The following PODXL2 variants were observed in gnomAD, a reference collection of about 807,000 sequenced individuals.
PODXL2 encodes podocalyxin like 2, also known as podocalyxin-like protein 2.
PODXL2 carries 17 observed loss-of-function variants against 53.4 expected under a neutral mutation model. The observed-to-expected ratio is 0.32, with a 90% CI of 0.22 to 0.48. PODXL2 has a LOEUF of 0.48. PODXL2 is among the 20% of genes least tolerant of loss of function. The pLI is 0.99. For missense variants in PODXL2, 673 were observed against 760.0 expected (o/e 0.89, Z 1.35); for synonymous variants, 311 against 306.7 (o/e 1.01, Z -0.15).
At chr3:127,640,267 G>A (rs1357134406) in intron 2 of PODXL2, among the ~76,000 whole-genome samples, 2 of 152,234 alleles carry the variant, frequency 1.3e-5, no homozygotes, top group Non-Finnish European at 2.9e-5. Context: ...GATTGTGTGT[G>A]CACATGGGGC....
intron 1 of PODXL2, among the ~76,000 whole-genome samples, chr3:127,635,883 G>A (rs1407403311): frequency 6.6e-6 from 1 of 152,226 alleles, no homozygotes; most frequent in Non-Finnish European, 1.5e-5. Context: ...TTTGTCATCA[G>A]CTGTTTATCA....
In PODXL2 at chr3:127,672,560, C is replaced by CA; in HGVS notation, c.*81dup. The CA allele has an allele frequency of 1.1e-6, 1 of 946,512 alleles. No individual in the cohort carries two copies. Among genetic ancestry groups the CA allele is most frequent in the South Asian group, 2.0e-5 (1 of 50,068 alleles). 58.6% of individuals were successfully genotyped at this position (946,512 alleles called of 1,614,324 possible). ...GAAACGGACGGCCCGGAGCCCGCACCAGCCCCGCGCCTACCCGGGCCGCCC... is the reference window on the plus strand; with the variant it reads ...GAAACGGACGGCCCGGAGCCCGCACCAAGCCCCGCGCCTACCCGGGCCGCCC... On this transcript the variant is annotated 3_prime_UTR_variant, in exon 8 of 8. Transcript: ENST00000342480.
At chr3:127,670,804 G>A (rs1035183818) in intron 6 of PODXL2, among the ~76,000 whole-genome samples, 4 of 152,188 alleles carry the variant, frequency 2.6e-5, no homozygotes, top group African/African-American at 4.8e-5. Flanking sequence ...CCCTGGCGCC[G>A]ATCTCCTTGG....
rs781715412 is a variant in PODXL2, at chr3:127,629,957, C to CA, written c.70+669dup. Among the ~76,000 whole-genome samples, 1 of 152,000 alleles carries CA rather than the reference C, an allele frequency of 6.6e-6. No individual in the cohort carries two copies. Among genetic ancestry groups the CA allele is most frequent in the African/African-American group, 2.4e-5 (1 of 41,364 alleles). On this transcript the variant is annotated intron_variant, in intron 1 of 7. Coordinates refer to ENST00000342480, the MANE Select transcript of PODXL2 (RefSeq NM_015720.4). The surrounding 1 kb of genome is among the most constrained non-coding windows in gnomAD (Gnocchi z 6.4). The stretch of plus-strand genomic sequence containing the variant: ...TCACACACGAGGGAGGTGTGAGACT[C>CA]AGATGTGTGGTTTCCATTCAGCAGC...
intron 1 of PODXL2, among the ~76,000 whole-genome samples, chr3:127,638,296 C>T (rs1458285816): frequency 6.6e-6 from 1 of 152,186 alleles, no homozygotes; most frequent in Non-Finnish European, 1.5e-5. Flanking sequence ...ATTTGTTTTC[C>T]TGTCCATTTA....
Position 127,672,630 on chromosome 3 carries a change from C to G in PODXL2, c.*150C>G. 1.9e-6 allele frequency: 1 copy of G among 520,740 alleles called. No individual in the cohort carries two copies. The highest frequency in any genetic ancestry group is 3.2e-6 in the Non-Finnish European group (1 of 308,424). 32.3% of individuals were successfully genotyped at this position (520,740 alleles called of 1,614,324 possible). A position where few individuals can be genotyped will look rare whatever the true frequency, so the allele number is the denominator to read the frequency against. On this transcript the variant is annotated 3_prime_UTR_variant, in exon 8 of 8. Transcript: ENST00000342480. ...GCGGGCTCCTTCCCGCTTCCCCCGA[C>G]TTCACACGGCGGCTTCGGACCAACT...
chr3:127,629,437 A>C lies in PODXL2; in HGVS notation c.70+148A>C. Reference sequence around the variant, plus strand: ...GGCCGGGCCGCGGCGCCGCCCCGACACACGCGCACGAGGAGTGGGTGCGTG... The same window carrying C: ...GGCCGGGCCGCGGCGCCGCCCCGACCCACGCGCACGAGGAGTGGGTGCGTG... On this transcript the variant is annotated intron_variant, in intron 1 of 7. Coordinates refer to ENST00000342480, the MANE Select transcript of PODXL2 (RefSeq NM_015720.4). The surrounding 1 kb of genome is among the most constrained non-coding windows in gnomAD (Gnocchi z 6.4). 3.4e-6 allele frequency: 2 copies of C among 584,686 alleles called. No homozygotes were observed. Among genetic ancestry groups the C allele is most frequent in the Non-Finnish European group, 4.3e-6 (2 of 464,632 alleles). 36.2% of individuals were successfully genotyped at this position (584,686 alleles called of 1,614,324 possible).
intron 2 of PODXL2, among the ~76,000 whole-genome samples, chr3:127,645,869 G>C (rs1031162660): frequency 6.6e-6 from 1 of 152,342 alleles, no homozygotes; most frequent in Middle Eastern, 3.4e-3. Flanking sequence ...GGGGTTCTTG[G>C]GGAGAAGGAG....
chr3:127,668,362 G>A (rs887973936), intron 4 of PODXL2, 79 bp from the exon 5 acceptor site: 9 of 1,303,478 alleles, frequency 6.9e-6, no homozygotes, highest in South Asian at 3.9e-5. Flanking sequence ...GGGTGAGTAC[G>A]GGGCTGGGCC....
At position 127,654,362 on chromosome 3, in the gene PODXL2, G is replaced by A. The variant is rs1234119639; in HGVS notation, c.350-6016G>A. Among the ~76,000 whole-genome samples the A allele has an allele frequency of 2.0e-5, 3 of 152,120 alleles. No homozygotes were observed. In the East Asian group the frequency reaches 5.8e-4, roughly 29 times the overall value. On this transcript the variant is annotated intron_variant, in intron 2 of 7. Transcript: ENST00000342480. ...AATCGTACCGTGGTTCTGCTCTTGGGTAAAGCCTGGCTTCTTCACTCTTTA... is the reference window on the plus strand; with the variant it reads ...AATCGTACCGTGGTTCTGCTCTTGGATAAAGCCTGGCTTCTTCACTCTTTA...
rs186995139 is a variant in PODXL2, at chr3:127,669,377, C to T, written c.1425+175C>T. ...CTTAGACATGGTTTTGTGGGAAAGACGGTGCATGTGCATGCTACCAACCAA... is the reference window on the plus strand; with the variant it reads ...CTTAGACATGGTTTTGTGGGAAAGATGGTGCATGTGCATGCTACCAACCAA... On this transcript the variant is annotated intron_variant, in intron 6 of 7. Transcript: ENST00000342480. 9.0e-4 allele frequency among the ~76,000 whole-genome samples: 130 copies of T among 144,886 alleles called. 1 individual carries two copies. Among genetic ancestry groups the T allele is most frequent in the Admixed American group, 3.2e-3 (42 of 13,298 alleles).
chr3:127,649,265 T>C (rs940375270), intron 2 of PODXL2, among the ~76,000 whole-genome samples: 4 of 152,370 alleles, frequency 2.6e-5, no homozygotes, highest in African/African-American at 9.6e-5. Flanking sequence ...GGTCTCCCAG[T>C]ATAAGGCGGG....
chr3:127,645,694 C>T (rs1443639258), intron 2 of PODXL2, among the ~76,000 whole-genome samples: 1 of 152,210 alleles, frequency 6.6e-6, no homozygotes, highest in Non-Finnish European at 1.5e-5. Flanking sequence ...TCTTGCAGCA[C>T]CTTGATGGCA....
At chr3:127,644,680 A>T (rs1317048050) in intron 2 of PODXL2, among the ~76,000 whole-genome samples, 2 of 152,218 alleles carry the variant, frequency 1.3e-5, no homozygotes, top group Non-Finnish European at 2.9e-5. Context: ...AAGAATAAAA[A>T]TAGCTCTCAT....
chr3:127,669,785 C>T (rs1359080004), intron 6 of PODXL2, among the ~76,000 whole-genome samples: 2 of 152,218 alleles, frequency 1.3e-5, no homozygotes, highest in Admixed American at 6.5e-5. Context: ...CTGCCTGGCC[C>T]ATCCCGATCA....
chr3:127,663,372 C>A (rs1202488625), intron 4 of PODXL2, among the ~76,000 whole-genome samples: 1 of 152,188 alleles, frequency 6.6e-6, no homozygotes, highest in African/African-American at 2.4e-5. Flanking sequence ...TTCTAACTCA[C>A]CATCTGCTTC....
chr3:127,662,668 T>A (rs140194161), intron 4 of PODXL2, among the ~76,000 whole-genome samples: 3 of 152,302 alleles, frequency 2.0e-5, no homozygotes, highest in African/African-American at 7.2e-5. Context: ...TTTTCATATA[T>A]ATACATGCTC....
intron 4 of PODXL2, 107 bp downstream of exon 4, chr3:127,662,418 G>C: frequency 1.3e-6 from 1 of 768,220 alleles, no homozygotes; most frequent in Non-Finnish European, 2.1e-6. Context: ...AGAAGGCTTA[G>C]TCCTTCAGTT....
Position 127,629,452 on chromosome 3 carries a change from G to A in PODXL2, c.70+163G>A, listed in dbSNP as rs988296909. Among the ~76,000 whole-genome samples, 5 of 149,458 alleles carry A rather than the reference G, an allele frequency of 3.3e-5. No homozygotes were observed. The highest frequency in any genetic ancestry group is 1.2e-4 in the African/African-American group (5 of 41,082). ...CCGCCCCGACACACGCGCACGAGGA[G>A]TGGGTGCGTGGGGGCCGCGGCGGGC... On this transcript the variant is annotated intron_variant, in intron 1 of 7. Coordinates refer to ENST00000342480, the MANE Select transcript of PODXL2 (RefSeq NM_015720.4). The surrounding 1 kb of genome is among the most constrained non-coding windows in gnomAD (Gnocchi z 6.4).
Sources: allele counts gnomAD v4.1 joint callset (sites outside exome capture counted in the v4.1 genomes callset), GRCh38; gene constraint gnomAD v4.1.1; non-coding constraint Gnocchi (gnomAD v3.1); transcripts MANE v1.5; gene names NCBI Gene and HGNC (gene_info 2026-07-23, HGNC 2026-07-21).